Variants in SVEP1 observed in about 807,000 individuals in gnomAD.
SVEP1 encodes sushi, von Willebrand factor type A, EGF and pentraxin domain containing 1.
A neutral mutation model predicts 367.3 loss-of-function variants in SVEP1; 164 were observed. That is an observed-to-expected ratio of 0.45 (90% CI 0.39 to 0.51). The LOEUF (loss-of-function observed/expected upper bound fraction) is 0.51. Among genes scored for constraint, SVEP1 ranks in the 20% least tolerant of loss-of-function variants. The pLI is 0.00. For synonymous variants in SVEP1, 1,666 were observed against 1,611.6 expected (o/e 1.03, Z -0.81); for missense variants, 4,117 against 4,425.3 (o/e 0.93, Z 1.98).
At chr9:110,369,500 T>C (rs1223867355) in intron 47 of SVEP1, 1 of 153,050 alleles carries the variant, frequency 6.5e-6, no homozygotes, top group Non-Finnish European at 1.5e-5. Flanking sequence ...TACATTGAGT[T>C]TATTTATTTT....
chr9:110,423,137 A>T (rs75829415), intron 36 of SVEP1, among the ~76,000 whole-genome samples: 24 of 85,632 alleles, frequency 2.8e-4, no homozygotes, highest in East Asian at 1.5e-3. Context: ...TAATAATAAT[A>T]AAAAAAAAAT....
At chr9:110,382,334 A>G (rs1178401277) in intron 43 of SVEP1, among the ~76,000 whole-genome samples, 1 of 152,120 alleles carries the variant, frequency 6.6e-6, no homozygotes, top group African/African-American at 2.4e-5. Flanking sequence ...TCTTTCACTT[A>G]TGAAACTTAG....
chr9:110,526,475 T>A (rs1306462726), intron 3 of SVEP1, among the ~76,000 whole-genome samples: 1 of 152,106 alleles, frequency 6.6e-6, no homozygotes. Flanking sequence ...TAAACCAAAA[T>A]GTGTCATCAC....
intron 43 of SVEP1, 28 bp downstream of exon 43, chr9:110,385,870 A>C (rs574312093): frequency 6.2e-7 from 1 of 1,604,014 alleles, no homozygotes; most frequent in South Asian, 1.1e-5. Flanking sequence ...CACTAGCGGC[A>C]TGAACTGGCT....
chr9:110,382,680 C>G (rs1448474501), intron 43 of SVEP1, among the ~76,000 whole-genome samples: 1 of 152,180 alleles, frequency 6.6e-6, no homozygotes, highest in Admixed American at 6.5e-5. Flanking sequence ...TGGTTCTATA[C>G]TCATCTCTTT....
chr9:110,465,384 T>A (rs1828919341), intron 18 of SVEP1, among the ~76,000 whole-genome samples: 1 of 152,178 alleles, frequency 6.6e-6, no homozygotes, highest in South Asian at 2.1e-4. Flanking sequence ...TTCAGTATTT[T>A]AAAAATACTC....
chr9:110,473,104 T>C (rs568722712), intron 14 of SVEP1, among the ~76,000 whole-genome samples: 2 of 150,758 alleles, frequency 1.3e-5, no homozygotes, highest in Admixed American at 6.7e-5. Context: ...TATAAAACTA[T>C]ATGAATATTA....
At chr9:110,404,223 C>G in intron 39 of SVEP1, 104 bp downstream of exon 39, 2 of 1,152,550 alleles carry the variant, frequency 1.7e-6, no homozygotes, top group East Asian at 4.7e-5. Context: ...TGAGTGAAAA[C>G]TTCAGACTTT....
At chr9:110,403,285 C>CTG in intron 39 of SVEP1, among the ~76,000 whole-genome samples, 1 of 126,342 alleles carries the variant, frequency 7.9e-6, no homozygotes, top group Non-Finnish European at 1.6e-5. Flanking sequence ...GATTCCTTCC[C>CTG]CGCCACCGCC....
At chr9:110,400,022 A>G (rs373596923) in intron 40 of SVEP1, among the ~76,000 whole-genome samples, 38 of 152,352 alleles carry the variant, frequency 2.5e-4, no homozygotes, top group African/African-American at 8.9e-4. Flanking sequence ...GTGCTGCGGA[A>G]GGGATTTTAA....
At chr9:110,488,924 A>G (rs1027558818) in intron 9 of SVEP1, among the ~76,000 whole-genome samples, 1 of 152,150 alleles carries the variant, frequency 6.6e-6, no homozygotes, top group African/African-American at 2.4e-5. Flanking sequence ...ATTATGTAAA[A>G]TTAGGACCAA....
chr9:110,392,832 G>A (rs1242548188), intron 40 of SVEP1, among the ~76,000 whole-genome samples: 1 of 152,050 alleles, frequency 6.6e-6, no homozygotes, highest in African/African-American at 2.4e-5. Context: ...TGCTAAAATG[G>A]TCTCATCTTG....
chr9:110,546,925 C>A (rs1830228091), intron 2 of SVEP1, among the ~76,000 whole-genome samples: 1 of 152,150 alleles, frequency 6.6e-6, no homozygotes, highest in Non-Finnish European at 1.5e-5. Flanking sequence ...ATGATTGACC[C>A]AGAATGGATG....
chr9:110,486,095 A>G (rs562057702), intron 9 of SVEP1, among the ~76,000 whole-genome samples: 1 of 151,948 alleles, frequency 6.6e-6, no homozygotes, highest in Non-Finnish European at 1.5e-5. Flanking sequence ...CATCTGGCCT[A>G]TAACAGGTGC....
Position 110,482,464 on chromosome 9 carries a change from A to T in SVEP1, c.2067T>A (p.His689Gln). 1 of 1,583,746 alleles carries T rather than the reference A, an allele frequency of 6.3e-7. No homozygotes were observed. Among genetic ancestry groups the T allele is most frequent in the Non-Finnish European group, 8.6e-7 (1 of 1,163,518 alleles). Residue 689 changes from histidine (H) to glutamine (Q), a missense_variant, in exon 11 of 48, where the codon CAT becomes CAA. This residue lies in a region of SVEP1 where 2,174 missense variants were observed against 2,494.3 expected (regional missense o/e 0.87). Coordinates refer to ENST00000374469, the MANE Select transcript of SVEP1 (RefSeq NM_153366.4). ...CTTGAGGGAAAAGGTCTCCTTGTGTATGACTTCTGGTAATGACCAATTCAG... is the reference window on the plus strand; with the variant it reads ...CTTGAGGGAAAAGGTCTCCTTGTGTTTGACTTCTGGTAATGACCAATTCAG... The part of the protein sequence containing the change: ...SGAELVITRS[H>Q]TQGDLFPQGE...
chr9:110,402,669 C>T (rs1041558261), intron 39 of SVEP1, among the ~76,000 whole-genome samples: 83 of 152,230 alleles, frequency 5.5e-4, no homozygotes, highest in African/African-American at 2.0e-3. Context: ...CAGTTGTCTA[C>T]ACACCCAACC....
Position 110,411,217 on chromosome 9 carries a change from C to T in SVEP1, c.6494G>A (p.Gly2165Glu). 6.2e-7 allele frequency: 1 copy of T among 1,614,020 alleles called. No homozygotes were observed. Among genetic ancestry groups the T allele is most frequent in the Non-Finnish European group, 8.5e-7 (1 of 1,179,886 alleles). ...GTTGCAGCTGTAAGCCACCATGGCT[C>T]CAAAACTGTAGTTTGATCCACTTGC... ...GYASGSNYSF[G>E]AMVAYSCNKG... is the part of the protein sequence containing the mutation. Residue 2165 changes from glycine to glutamate, a missense_variant, in exon 37 of 48, where the codon GGA becomes GAA. Transcript: ENST00000374469.
At chr9:110,500,997 ACATATATATGTAATG>A (rs1219776810) in intron 6 of SVEP1, among the ~76,000 whole-genome samples, 2 of 151,208 alleles carry the variant, frequency 1.3e-5, no homozygotes, top group African/African-American at 2.4e-5. Context: ...TCAGTGTAGT[ACATATATATGTAATG>A]CATATATATG....
At chr9:110,568,028 C>T (rs1318241360) in intron 1 of SVEP1, among the ~76,000 whole-genome samples, 1 of 152,228 alleles carries the variant, frequency 6.6e-6, no homozygotes, top group Non-Finnish European at 1.5e-5. Context: ...TCTACACTGG[C>T]TCCCAGTGTT....
Sources: allele counts gnomAD v4.1 joint callset (sites outside exome capture counted in the v4.1 genomes callset), GRCh38; gene constraint gnomAD v4.1.1; regional missense constraint gnomAD v4.1.1; transcripts MANE v1.5; gene names NCBI Gene and HGNC (gene_info 2026-07-23, HGNC 2026-07-21).